Variants in H1-5 observed in about 807,000 individuals in gnomAD.
H1-5 encodes the protein H1.5 linker histone, cluster member, also known as histone H1.5.
Under a neutral mutation model 4.6 loss-of-function variants are expected in H1-5, and 3 were observed. The ratio of observed to expected loss-of-function variants is 0.65; its 90% CI spans 0.30 to 1.68. The LOEUF (loss-of-function observed/expected upper bound fraction) is 1.68, where lower values mean the gene tolerates loss of function less well. H1-5 is among the 40% of genes most tolerant of loss of function. The probability of loss-of-function intolerance (pLI) is 0.10; values close to 1 mark genes in which losing one functional copy is unlikely to be tolerated. For synonymous variants in H1-5, 250 were observed against 123.4 expected, an observed-to-expected ratio of 2.03 and a Z score of -6.80; for missense variants, 521 against 287.9, an observed-to-expected ratio of 1.81 and a Z score of -5.86.
Position 27,866,933 on chromosome 6 carries a change from C to T in H1-5, c.597G>A (p.Lys199=), listed in dbSNP as rs557111023. 6.2e-7 allele frequency: 1 copy of T among 1,614,140 alleles called. No homozygotes were observed. The highest frequency in any genetic ancestry group is 2.2e-5 in the East Asian group (1 of 44,884). ...SPAKPKAVKP[K]AAKPKAAKPK... is the part of the protein sequence containing the mutation. ...GCTTAGCGGCTTTGGGCTTTGCCGC[C>T]TTCGGCTTAACTGCCTTGGGCTTGG... Residue 199 remains lysine, a synonymous_variant, in exon 1 of 1, where the codon AAG becomes AAA. Coordinates refer to ENST00000331442, the MANE Select transcript of H1-5 (RefSeq NM_005322.3).
chr6:27,866,803 G>A lies in H1-5; in HGVS notation c.*46C>T. The A allele has an allele frequency of 1.3e-6, 2 of 1,488,726 alleles. No homozygotes were observed. The highest frequency in any genetic ancestry group is 1.3e-5 in the South Asian group (1 of 75,502). The allele number at this position is 1,488,726 out of a possible 1,614,324, so 92.2% of individuals were successfully genotyped here. On this transcript the variant is annotated 3_prime_UTR_variant, in exon 1 of 1. Transcript: ENST00000331442. ...TTTTTAGAGGTCTCTGGGTGGCTCT[G>A]AAAAGAGCCTTTGGGGCTTTGTTGC...
In H1-5 at chr6:27,867,199, T is replaced by C. The variant is rs753719709; in HGVS notation, c.331A>G (p.Asn111Asp). The change falls in exon 1 of 1, where the codon AAC becomes GAC. Residue 111 changes from asparagine (N) to aspartate (D), a missense_variant. By Grantham distance (23) the Asn-to-Asp change is conservative (BLOSUM62 1). Transcript: ENST00000331442. ...GTGASGSFKL[N>D]KKAASGEAKP... Reference sequence around the variant, plus strand: ...GCTTCCCCGGAGGCCGCCTTCTTGTTGAGTTTAAAGGAGCCAGAAGCACCA... The same window carrying C: ...GCTTCCCCGGAGGCCGCCTTCTTGTCGAGTTTAAAGGAGCCAGAAGCACCA... 1 of 1,614,222 alleles carries C rather than the reference T, an allele frequency of 6.2e-7. No individual in the cohort carries two copies. The highest frequency in any genetic ancestry group is 2.2e-5 in the East Asian group (1 of 44,878).
chr6:27,867,242 C>A lies in H1-5; in HGVS notation c.288G>T (p.Leu96=). 6.2e-7 allele frequency: 1 copy of A among 1,614,214 alleles called. No individual in the cohort carries two copies. Among genetic ancestry groups the A allele is most frequent in the Non-Finnish European group, 8.5e-7 (1 of 1,180,018 alleles). Residue 96 remains leucine (L), a synonymous_variant, in exon 1 of 1, where the codon CTG becomes CTT. Coordinates refer to ENST00000331442, the MANE Select transcript of H1-5 (RefSeq NM_005322.3). The part of the protein sequence containing the change: ...GLKSLVSKGT[L]VQTKGTGASG... The stretch of plus-strand genomic sequence containing the variant: ...AAGCACCAGTGCCCTTGGTCTGCAC[C>A]AGGGTGCCCTTGCTCACCAAGCTCT...
rs1252047646 is a variant in H1-5 at position 27,866,978 on chromosome 6, T to TA, written c.551_552insT (p.Lys184AsnfsTer14). ...GCTTGGCAGGACTCTTGGTTGCCTT[T>TA]TTCGGTTTGGCAGCGGCCTTGGCCT... On this transcript the variant is annotated frameshift_variant, in exon 1 of 1. Transcript: ENST00000331442. LOFTEE classifies it high-confidence loss of function. 6.2e-7 allele frequency: 1 copy of TA among 1,614,220 alleles called. No homozygotes were observed.
At position 27,867,412 on chromosome 6, in the gene H1-5, C is replaced by A. The variant is rs1475289962; in HGVS notation, c.118G>T (p.Gly40Trp). The A allele has an allele frequency of 1.9e-6, 3 of 1,613,820 alleles. No individual in the cohort carries two copies. The African/African-American group carries it at 4.0e-5, about 22-fold the overall frequency. The change falls in exon 1 of 1, where the codon GGG becomes TGG. Residue 40 changes from glycine (G) to tryptophan (W), a missense_variant. Gly to Trp is a radical substitution (Grantham distance 184). Transcript: ENST00000331442. The stretch of plus-strand genomic sequence containing the variant: ...GTGATCAGCTCTGAGACTGGGGGCC[C>A]CGTCGCTTTGCGCTTAGCAGCGCCG... ...GAGAAKRKAT[G>W]PPVSELITKA... is the part of the protein sequence containing the mutation.
Position 27,866,869 on chromosome 6 carries a change from C to T in H1-5, c.661G>A (p.Ala221Thr), listed in dbSNP as rs1455966427. Residue 221 changes from alanine to threonine, a missense_variant, in exon 1 of 1, where the codon GCG (alanine) becomes ACG (threonine). Physicochemically the swap from Ala to Thr is moderately conservative, Grantham distance 58. Coordinates refer to ENST00000331442, the MANE Select transcript of H1-5 (RefSeq NM_005322.3). ...AKPKAAKAKK[A>T]AAKKK ...GCTTCCTACTTCTTTTTGGCAGCCGCCTTCTTGGCCTTTGCAGCTTTAGGT... is the reference window on the plus strand; with the variant it reads ...GCTTCCTACTTCTTTTTGGCAGCCGTCTTCTTGGCCTTTGCAGCTTTAGGT... The T allele has an allele frequency of 6.3e-7, 1 of 1,590,844 alleles. No individual in the cohort carries two copies. The highest frequency in any genetic ancestry group is 1.2e-5 in the South Asian group (1 of 86,932).
rs150391922 is a variant in H1-5 at position 27,866,944 on chromosome 6, C to T, written c.586G>A (p.Val196Ile). ...ATKSPAKPKAVKPKAAKPKAA... is the reference protein window; with the variant it reads ...ATKSPAKPKAIKPKAAKPKAA... ...TTGGGCTTTGCCGCCTTCGGCTTAACTGCCTTGGGCTTGGCAGGACTCTTG... is the reference window on the plus strand; with the variant it reads ...TTGGGCTTTGCCGCCTTCGGCTTAATTGCCTTGGGCTTGGCAGGACTCTTG... Residue 196 changes from valine (V) to isoleucine (I), a missense_variant, in exon 1 of 1, where the codon GTT becomes ATT. By Grantham distance (29) the Val-to-Ile change is conservative. Transcript: ENST00000331442. The T allele has an allele frequency of 1.2e-5, 19 of 1,614,220 alleles. No homozygotes were observed. In the African/African-American group the frequency reaches 2.5e-4, roughly 22 times the overall value.
chr6:27,867,349 A>G lies in H1-5; in HGVS notation c.181T>C (p.Ser61Pro). The change falls in exon 1 of 1, where the codon TCT becomes CCT. Residue 61 changes from serine to proline, a missense_variant. Transcript: ENST00000331442. The stretch of plus-strand genomic sequence containing the variant: ...AAGGCCTTCTTAAGGGCTGCCAAAG[A>G]AAGGCCATTGCGCTCCTTAGAAGCA... ...VAASKERNGL[S>P]LAALKKALAA... 6.2e-7 allele frequency: 1 copy of G among 1,614,232 alleles called. No homozygotes were observed. The highest frequency in any genetic ancestry group is 8.5e-7 in the Non-Finnish European group (1 of 1,180,050).
chr6:27,866,981 C>G lies in H1-5; in HGVS notation c.549G>C (p.Pro183=), dbSNP rs1483130941. Residue 183 remains proline (P), a synonymous_variant, in exon 1 of 1, where the codon CCG becomes CCC. Coordinates refer to ENST00000331442, the MANE Select transcript of H1-5 (RefSeq NM_005322.3). Reference sequence around the variant, plus strand: ...TGGCAGGACTCTTGGTTGCCTTTTTCGGTTTGGCAGCGGCCTTGGCCTTCT... The same window carrying G: ...TGGCAGGACTCTTGGTTGCCTTTTTGGGTTTGGCAGCGGCCTTGGCCTTCT... The part of the protein sequence containing the change: ...SPKKAKAAAK[P]KKATKSPAKP... 2.5e-6 allele frequency: 4 copies of G among 1,614,028 alleles called. No homozygotes were observed. In the African/African-American group the frequency reaches 4.0e-5, roughly 16 times the overall value.
chr6:27,867,162 G>A lies in H1-5; in HGVS notation c.368C>T (p.Ala123Val), dbSNP rs1386015969. ...KAASGEAKPK[A>V]KKAGAAKAKK... ...AGCTTTAGCGGCGCCTGCCTTCTTG[G>A]CTTTGGGCTTGGCTTCCCCGGAGGC... Residue 123 changes from alanine to valine, a missense_variant, in exon 1 of 1, where the codon GCC (alanine) becomes GTC (valine). Physicochemically the swap from Ala to Val is moderately conservative, Grantham distance 64. Transcript: ENST00000331442. 4 of 1,614,170 alleles carry A rather than the reference G, an allele frequency of 2.5e-6. No homozygotes were observed. The highest frequency in any genetic ancestry group is 1.3e-5 in the African/African-American group (1 of 75,062).
In H1-5 at chr6:27,866,942, A is replaced by AACT; in HGVS notation, c.585_587dup (p.Val196dup). On this transcript the variant is annotated inframe_insertion, in exon 1 of 1. Transcript: ENST00000331442. ...CTTTGGGCTTTGCCGCCTTCGGCTTAACTGCCTTGGGCTTGGCAGGACTCT... is the reference window on the plus strand; with the variant it reads ...CTTTGGGCTTTGCCGCCTTCGGCTTAACTACTGCCTTGGGCTTGGCAGGACTCT... The AACT allele has an allele frequency of 6.2e-7, 1 of 1,614,074 alleles. No individual in the cohort carries two copies.
Position 27,867,294 on chromosome 6 carries a change from T to C in H1-5, c.236A>G (p.Asn79Ser), listed in dbSNP as rs757275641. Residue 79 changes from asparagine to serine, a missense_variant, in exon 1 of 1, where the codon AAT (asparagine) becomes AGT (serine). Physicochemically the swap from Asn to Ser is conservative, Grantham distance 46 (BLOSUM62 1). Transcript: ENST00000331442. ...LAAGGYDVEK[N>S]NSRIKLGLKS... is the part of the protein sequence containing the mutation. The stretch of plus-strand genomic sequence containing the variant: ...GAGGCCCAGCTTAATGCGGCTGTTA[T>C]TCTTCTCCACGTCGTAGCCACCGGC... The C allele has an allele frequency of 1.2e-6, 2 of 1,614,246 alleles. No individual in the cohort carries two copies. The highest frequency in any genetic ancestry group is 1.1e-5 in the South Asian group (1 of 91,088).
Position 27,867,455 on chromosome 6 carries a change from A to T in H1-5, c.75T>A (p.Thr25=). Reference sequence around the variant, plus strand: ...CAGCGCCGGCGCCGGCAGCCTTCTTAGTTGCCTTCTTCTTAGCCGGGGATT... The same window carrying T: ...CAGCGCCGGCGCCGGCAGCCTTCTTTGTTGCCTTCTTCTTAGCCGGGGATT... ...VEKSPAKKKA[T]KKAAGAGAAK... is the part of the protein sequence containing the mutation. The change falls in exon 1 of 1, where the codon ACT becomes ACA. Residue 25 remains threonine, a synonymous_variant. Transcript: ENST00000331442. 6.2e-7 allele frequency: 1 copy of T among 1,605,448 alleles called. No individual in the cohort carries two copies. The highest frequency in any genetic ancestry group is 8.5e-7 in the Non-Finnish European group (1 of 1,176,486).
Position 27,867,352 on chromosome 6 carries a change from G to A in H1-5, c.178C>T (p.Leu60Phe), listed in dbSNP as rs1223585486. 7.4e-6 allele frequency: 12 copies of A among 1,614,140 alleles called. No homozygotes were observed. The highest frequency in any genetic ancestry group is 2.2e-5 in the East Asian group (1 of 44,892). Residue 60 changes from leucine to phenylalanine, a missense_variant, in exon 1 of 1, where the codon CTT becomes TTT. Physicochemically the swap from Leu to Phe is conservative, Grantham distance 22 (BLOSUM62 0). Coordinates refer to ENST00000331442, the MANE Select transcript of H1-5 (RefSeq NM_005322.3). ...GCCTTCTTAAGGGCTGCCAAAGAAAGGCCATTGCGCTCCTTAGAAGCAGCC... is the reference window on the plus strand; with the variant it reads ...GCCTTCTTAAGGGCTGCCAAAGAAAAGCCATTGCGCTCCTTAGAAGCAGCC... ...AVAASKERNG[L>F]SLAALKKALA...
At position 27,867,373 on chromosome 6, in the gene H1-5, C is replaced by G; in HGVS notation, c.157G>C (p.Ala53Pro). 4 of 1,614,264 alleles carry G rather than the reference C, an allele frequency of 2.5e-6. No homozygotes were observed. Among genetic ancestry groups the G allele is most frequent in the Non-Finnish European group, 3.4e-6 (4 of 1,180,046 alleles). ...VSELITKAVA[A>P]SKERNGLSLA... ...GAAAGGCCATTGCGCTCCTTAGAAG[C>G]AGCCACAGCCTTGGTGATCAGCTCT... Residue 53 changes from alanine to proline, a missense_variant, in exon 1 of 1, where the codon GCT becomes CCT. Transcript: ENST00000331442.
rs1581484504 is a variant in H1-5, at chr6:27,867,272, G to A, written c.258C>T (p.Gly86=). ...VEKNNSRIKL[G]LKSLVSKGTL... ...TGCCCTTGCTCACCAAGCTCTTGAG[G>A]CCCAGCTTAATGCGGCTGTTATTCT... Residue 86 remains glycine (G), a synonymous_variant, in exon 1 of 1, where the codon GGC becomes GGT. Transcript: ENST00000331442. The A allele has an allele frequency of 3.1e-6, 5 of 1,614,136 alleles. No individual in the cohort carries two copies. Among genetic ancestry groups the A allele is most frequent in the Admixed American group, 1.7e-5 (1 of 60,014 alleles).
chr6:27,866,829 G>A lies in H1-5; in HGVS notation c.*20C>T, dbSNP rs1045222657. ...AAAAGAGCCTTTGGGGCTTTGTTGC[G>A]GTTTTCACACGCCAGCTTCCTACTT... On this transcript the variant is annotated 3_prime_UTR_variant, in exon 1 of 1. Transcript: ENST00000331442. 3.8e-6 allele frequency: 6 copies of A among 1,565,994 alleles called. No individual in the cohort carries two copies. Among genetic ancestry groups the A allele is most frequent in the South Asian group, 1.2e-5 (1 of 83,396 alleles).
chr6:27,866,983 G>A lies in H1-5; in HGVS notation c.547C>T (p.Pro183Ser), dbSNP rs774195942. 2.5e-6 allele frequency: 4 copies of A among 1,614,212 alleles called. No individual in the cohort carries two copies. The highest frequency in any genetic ancestry group is 2.2e-5 in the South Asian group (2 of 91,090). Residue 183 changes from proline (P) to serine (S), a missense_variant, in exon 1 of 1, where the codon CCG becomes TCG. Coordinates refer to ENST00000331442, the MANE Select transcript of H1-5 (RefSeq NM_005322.3). ...SPKKAKAAAK[P>S]KKATKSPAKP... The stretch of plus-strand genomic sequence containing the variant: ...GCAGGACTCTTGGTTGCCTTTTTCG[G>A]TTTGGCAGCGGCCTTGGCCTTCTTA...
Position 27,867,568 on chromosome 6 carries a change from C to T in H1-5, c.-39G>A, listed in dbSNP as rs1483205503. The T allele has an allele frequency of 3.3e-6, 5 of 1,510,724 alleles. No individual in the cohort carries two copies. The highest frequency in any genetic ancestry group is 4.4e-6 in the Non-Finnish European group (5 of 1,130,416). The allele number at this position is 1,510,724 out of a possible 1,614,324, so 93.6% of individuals were successfully genotyped here. ...TGCTAGAAGAGAATAAGCTCGAAAT[C>T]TAAAGAGCAGGTTTTGCGTTGCTGC... On this transcript the variant is annotated 5_prime_UTR_variant, in exon 1 of 1. Coordinates refer to ENST00000331442, the MANE Select transcript of H1-5 (RefSeq NM_005322.3).
Sources: allele counts gnomAD v4.1 joint callset, GRCh38; gene constraint gnomAD v4.1.1; transcripts MANE v1.5; gene names NCBI Gene and HGNC (gene_info 2026-07-23, HGNC 2026-07-21).